The following TAF4B variants were observed in gnomAD, a reference collection of about 807,000 sequenced individuals.
TAF4B encodes TATA-box binding protein associated factor 4b, also known as transcription initiation factor TFIID subunit 4B.
A neutral mutation model predicts 86.4 loss-of-function variants in TAF4B; 38 were observed. The observed-to-expected ratio is 0.44, with a 90% CI of 0.34 to 0.58. The LOEUF (loss-of-function observed/expected upper bound fraction) is 0.58. Ranked by LOEUF, TAF4B falls within the 20% of genes least tolerant of loss-of-function variation. The probability of loss-of-function intolerance (pLI) is 0.02; values close to 1 mark genes in which losing one functional copy is unlikely to be tolerated. For missense variants in TAF4B, 988 were observed against 1,027.6 expected (o/e 0.96, Z 0.53); for synonymous variants, 388 against 391.2 (o/e 0.99, Z 0.10).
intron 14 of TAF4B, among the ~76,000 whole-genome samples, chr18:26,374,952 T>C (rs1020057968): frequency 3.3e-5 from 5 of 152,180 alleles, no homozygotes; most frequent in Admixed American, 1.3e-4. Flanking sequence ...TAAATTCACT[T>C]TTGTAAAGTG....
intron 13 of TAF4B, among the ~76,000 whole-genome samples, chr18:26,352,130 G>A (rs1054226017): frequency 6.6e-6 from 1 of 151,436 alleles, no homozygotes; most frequent in Non-Finnish European, 1.5e-5. Flanking sequence ...AAAAACAGAG[G>A]GAACATACAG....
intron 11 of TAF4B, 112 bp from the exon 12 acceptor site, chr18:26,326,903 C>A: frequency 8.2e-7 from 1 of 1,224,186 alleles, no homozygotes; most frequent in South Asian, 2.2e-5. Flanking sequence ...TCTGAAAGTT[C>A]AGCTTCCTAT....
At chr18:26,324,964 A>T (rs578015161) in intron 11 of TAF4B, among the ~76,000 whole-genome samples, 1 of 152,318 alleles carries the variant, frequency 6.6e-6, no homozygotes, top group East Asian at 1.9e-4. Context: ...CAGTGTAGGA[A>T]ATTCTACTCC....
intron 14 of TAF4B, among the ~76,000 whole-genome samples, chr18:26,381,666 GC>G (rs1339903063): frequency 3.3e-5 from 5 of 151,950 alleles, no homozygotes; most frequent in Non-Finnish European, 7.4e-5. Context: ...GGCAGAGGTT[GC>G]GGTGAGCCGA....
intron 7 of TAF4B, among the ~76,000 whole-genome samples, chr18:26,287,048 G>A (rs564727183): frequency 6.6e-6 from 1 of 152,272 alleles, no homozygotes; most frequent in South Asian, 2.1e-4. Context: ...AATTATGACA[G>A]TGCATGGTGT....
chr18:26,300,484 C>A (rs1459435530), intron 9 of TAF4B, among the ~76,000 whole-genome samples: 1 of 117,698 alleles, frequency 8.5e-6, no homozygotes. Context: ...TTTTTTTTTG[C>A]CTTTCCATTC....
At position 26,231,908 on chromosome 18, in the gene TAF4B, C is replaced by G. The variant is rs140632019; in HGVS notation, c.343+4632C>G. ...GCCAGCTTTTATCCCCTTATTGGCCCCTCCCACGTTCTGTTTCTTTCCTAT... is the reference window on the plus strand; with the variant it reads ...GCCAGCTTTTATCCCCTTATTGGCCGCTCCCACGTTCTGTTTCTTTCCTAT... On this transcript the variant is annotated intron_variant, in intron 1 of 14. Coordinates refer to ENST00000269142, the MANE Select transcript of TAF4B (RefSeq NM_005640.3). Among the ~76,000 whole-genome samples the G allele has an allele frequency of 1.8e-4, 27 of 152,168 alleles. No individual in the cohort carries two copies. In the Middle Eastern group the frequency reaches 0.014, roughly 77 times the overall value.
intron 1 of TAF4B, among the ~76,000 whole-genome samples, chr18:26,234,624 A>C (rs1365278155): frequency 6.6e-6 from 1 of 152,134 alleles, no homozygotes; most frequent in Non-Finnish European, 1.5e-5. Flanking sequence ...TTCTCCACAA[A>C]TGGACTTTCA....
At chr18:26,364,474 ATATGT>A (rs2057355846) in intron 14 of TAF4B, among the ~76,000 whole-genome samples, 1 of 148,242 alleles carries the variant, frequency 6.7e-6, no homozygotes, top group Non-Finnish European at 1.5e-5. Flanking sequence ...TGTATTGTTT[ATATGT>A]ATTGTATCGG....
chr18:26,309,459 A>G (rs566836083), intron 9 of TAF4B, among the ~76,000 whole-genome samples: 2 of 152,162 alleles, frequency 1.3e-5, no homozygotes, highest in African/African-American at 4.8e-5. Flanking sequence ...TCAGTGAACT[A>G]GTATTTTCCA....
At chr18:26,287,975 T>G (rs2056545766) in intron 7 of TAF4B, among the ~76,000 whole-genome samples, 1 of 152,208 alleles carries the variant, frequency 6.6e-6, no homozygotes, top group Non-Finnish European at 1.5e-5. Context: ...CTTGCAGGAT[T>G]TCTCTTGGGT....
chr18:26,236,508 A>G (rs992876188), intron 1 of TAF4B, among the ~76,000 whole-genome samples: 2 of 152,222 alleles, frequency 1.3e-5, no homozygotes, highest in African/African-American at 4.8e-5. Flanking sequence ...CCTCTGGCTC[A>G]GAGAACCTTT....
intron 7 of TAF4B, among the ~76,000 whole-genome samples, chr18:26,288,060 G>T (rs1206846109): frequency 6.6e-6 from 1 of 152,162 alleles, no homozygotes; most frequent in South Asian, 2.1e-4. Context: ...GGGCAGCCAG[G>T]TTTGAGAACC....
intron 1 of TAF4B, among the ~76,000 whole-genome samples, chr18:26,249,662 T>G (rs921533302): frequency 3.9e-5 from 6 of 152,228 alleles, no homozygotes; most frequent in Non-Finnish European, 8.8e-5. Flanking sequence ...CACTTTTATA[T>G]CCTGATTTTC....
At position 26,274,930 on chromosome 18, in the gene TAF4B, G is replaced by T. The variant is rs1433124456; in HGVS notation, c.760-1G>T. On this transcript the variant is annotated splice_acceptor_variant, in intron 4 of 14. Coordinates refer to ENST00000269142, the MANE Select transcript of TAF4B (RefSeq NM_005640.3). LOFTEE classifies it high-confidence loss of function. Reference sequence around the variant, plus strand: ...GCTTATATTTACATTTTCATATTTAGACAATGCTAGAAAATGTGAAGAAAT... The same window carrying T: ...GCTTATATTTACATTTTCATATTTATACAATGCTAGAAAATGTGAAGAAAT... 6.2e-7 allele frequency: 1 copy of T among 1,612,946 alleles called. No individual in the cohort carries two copies. The highest frequency in any genetic ancestry group is 1.1e-5 in the South Asian group (1 of 90,752).
intron 1 of TAF4B, among the ~76,000 whole-genome samples, chr18:26,254,310 T>C (rs1447089756): frequency 6.6e-6 from 1 of 152,132 alleles, no homozygotes; most frequent in African/African-American, 2.4e-5. Flanking sequence ...TTTATTTTTT[T>C]TCCAAAGAAC....
At chr18:26,317,907 A>C (rs2056927999) in intron 10 of TAF4B, among the ~76,000 whole-genome samples, 1 of 152,216 alleles carries the variant, frequency 6.6e-6, no homozygotes, top group Non-Finnish European at 1.5e-5. Context: ...CATTTAGTCC[A>C]TGCAACTGTA....
At chr18:26,360,532 C>G (rs756892399) in intron 14 of TAF4B, among the ~76,000 whole-genome samples, 1 of 152,084 alleles carries the variant, frequency 6.6e-6, no homozygotes, top group East Asian at 1.9e-4. Context: ...GGTTTATATT[C>G]TATTTAGAAG....
chr18:26,266,571 T>G (rs939288616), intron 2 of TAF4B, among the ~76,000 whole-genome samples: 4 of 152,084 alleles, frequency 2.6e-5, no homozygotes, highest in African/African-American at 9.7e-5. Context: ...GTTAAAAATA[T>G]TTTTGTGGGG....
Sources: allele counts gnomAD v4.1 joint callset (sites outside exome capture counted in the v4.1 genomes callset), GRCh38; gene constraint gnomAD v4.1.1; transcripts MANE v1.5; gene names NCBI Gene and HGNC (gene_info 2026-07-23, HGNC 2026-07-21).